Variants in FBXO46 observed in about 807,000 individuals in gnomAD.
FBXO46 encodes the protein F-box protein 46.
In FBXO46, 13 loss-of-function variants were observed where a neutral mutation model predicts 30.7. The ratio of observed to expected loss-of-function variants is 0.42; its 90% CI spans 0.28 to 0.67. The LOEUF (loss-of-function observed/expected upper bound fraction) is 0.67, where lower values mean the gene tolerates loss of function less well. Ranked by LOEUF, FBXO46 falls within the 30% of genes least tolerant of loss-of-function variation. The pLI is 0.21. For missense variants in FBXO46, 754 were observed against 871.5 expected (o/e 0.87, Z 1.70); for synonymous variants, 467 against 385.8 (o/e 1.21, Z -2.47).
chr19:45,722,723 C>T (rs1392769899), intron 1 of FBXO46, among the ~76,000 whole-genome samples: 1 of 150,488 alleles, frequency 6.6e-6, no homozygotes, highest in East Asian at 2.0e-4. Context: ...GATTGCGCCA[C>T]TGCACTCCAG....
Position 45,712,636 on chromosome 19 carries a change from C to G in FBXO46, c.860G>C (p.Gly287Ala), listed in dbSNP as rs1437949319. 5.6e-6 allele frequency: 9 copies of G among 1,604,422 alleles called. No individual in the cohort carries two copies. In the South Asian group the frequency reaches 6.7e-5, roughly 12 times the overall value. ...ACCTGGGCTGCCAGGGTAGGCACAA[C>G]CAGGCCTGCCCCCGCCCCCACTGGG... ...GLPSGGGGRP[G>A]CAYPGSPGPG... The change falls in exon 2 of 2, where the codon GGT becomes GCT. Residue 287 changes from glycine to alanine, a missense_variant. Transcript: ENST00000317683. The surrounding 1 kb of genome is among the most constrained non-coding windows in gnomAD (Gnocchi z 8.8).
In FBXO46 at chr19:45,713,040, GC is replaced by G; in HGVS notation, c.455del (p.Gly152AlafsTer48). 1 of 1,558,720 alleles carries G rather than the reference GC, an allele frequency of 6.4e-7. No individual in the cohort carries two copies. Among genetic ancestry groups the G allele is most frequent in the Non-Finnish European group, 8.7e-7 (1 of 1,154,738 alleles). On this transcript the variant is annotated frameshift_variant, in exon 2 of 2. Coordinates refer to ENST00000317683, the MANE Select transcript of FBXO46 (RefSeq NM_001080469.2). LOFTEE classifies it high-confidence loss of function. This position sits in a 1 kb window ranked among gnomAD's most constrained non-coding sequence, Gnocchi z 4.7. ...KAPPDPGGREGPPAAEEGPAS... is the reference protein window; with the variant it reads ...KAPPDPGGREXPPAAEEGPAS... ...CGGGGCCCTCCTCAGCAGCAGGGGGGCCCTCCCGGCCCCCTGGGTCAGGAGG... is the reference window on the plus strand; with the variant it reads ...CGGGGCCCTCCTCAGCAGCAGGGGGGCCTCCCGGCCCCCTGGGTCAGGAGG...
In FBXO46 at chr19:45,711,867, C is replaced by T. The variant is rs1352336540; in HGVS notation, c.1629G>A (p.Ser543=). ...AGGGCTTGGGGTGCCAGCGGCAGAG[C>T]GACACGTCGCCCTTCTCGTATCTCT... ...CRKRYEKGDV[S]LCRWHPKPYH... The change falls in exon 2 of 2, where the codon TCG becomes TCA. Residue 543 remains serine, a synonymous_variant. Transcript: ENST00000317683. 4 of 1,613,542 alleles carry T rather than the reference C, an allele frequency of 2.5e-6. No homozygotes were observed. Among genetic ancestry groups the T allele is most frequent in the African/African-American group, 1.3e-5 (1 of 74,912 alleles).
At chr19:45,726,845 C>T (rs950087612) in intron 1 of FBXO46, among the ~76,000 whole-genome samples, 2 of 152,100 alleles carry the variant, frequency 1.3e-5, no homozygotes, top group Non-Finnish European at 2.9e-5. Flanking sequence ...ATAGAAAGAC[C>T]TCACACTTAT....
At chr19:45,716,868 G>A (rs868203103) in intron 1 of FBXO46, 2 of 152,268 alleles carry the variant, frequency 1.3e-5, no homozygotes, top group East Asian at 3.9e-4. Flanking sequence ...TGAGACACAG[G>A]TGAAATCTCC....
intron 1 of FBXO46, among the ~76,000 whole-genome samples, chr19:45,721,532 G>T (rs2146156201): frequency 6.8e-6 from 1 of 147,694 alleles, no homozygotes; most frequent in Non-Finnish European, 1.5e-5. Flanking sequence ...GGACACCAGG[G>T]TTTCGTTCCT....
intron 1 of FBXO46, among the ~76,000 whole-genome samples, chr19:45,729,662 C>G (rs1182814567): frequency 6.6e-6 from 1 of 152,230 alleles, no homozygotes; most frequent in Non-Finnish European, 1.5e-5. Flanking sequence ...CTTAATTTCT[C>G]TGTACTTCTG....
chr19:45,720,381 C>A (rs765817498), intron 1 of FBXO46, among the ~76,000 whole-genome samples: 52 of 152,200 alleles, frequency 3.4e-4, no homozygotes, highest in Non-Finnish European at 6.9e-4. Context: ...ATCCACCCCA[C>A]CTTGGCCTCC....
At chr19:45,731,078 G>T (rs1282724251), upstream of FBXO46, among the ~76,000 whole-genome samples, 1 of 152,238 alleles carries the variant, frequency 6.6e-6, no homozygotes, top group Non-Finnish European at 1.5e-5. Flanking sequence ...AAGCCGGGGA[G>T]GACTTGGCAG....
Position 45,711,937 on chromosome 19 carries a change from C to T in FBXO46, c.1559G>A (p.Ser520Asn). ...ATCATCGCGGTAGAGCGGGTCTCGG[C>T]TCCAGCGCGAGTCTGTGGCCCGCAC... is the stretch of plus-strand genomic sequence containing the variant. The part of the protein sequence containing the change: ...FGVRATDSRW[S>N]RDPLYRDDPC... Residue 520 changes from serine to asparagine, a missense_variant, in exon 2 of 2, where the codon AGC becomes AAC. Transcript: ENST00000317683. The T allele has an allele frequency of 6.2e-7, 1 of 1,613,332 alleles. No homozygotes were observed. Among genetic ancestry groups the T allele is most frequent in the Non-Finnish European group, 8.5e-7 (1 of 1,179,800 alleles).
intron 1 of FBXO46, among the ~76,000 whole-genome samples, chr19:45,718,222 C>T (rs1968127203): frequency 6.6e-6 from 1 of 152,162 alleles, no homozygotes; most frequent in Admixed American, 6.6e-5. Context: ...CATCTGATCC[C>T]CGGTAGGAGT....
At chr19:45,731,242 G>A (rs1968306683), upstream of FBXO46, among the ~76,000 whole-genome samples, 1 of 151,866 alleles carries the variant, frequency 6.6e-6, no homozygotes, top group African/African-American at 2.4e-5. Context: ...CAAATTTATT[G>A]ATTCATTTGT....
chr19:45,726,785 A>G (rs1029472451), intron 1 of FBXO46, among the ~76,000 whole-genome samples: 2 of 152,190 alleles, frequency 1.3e-5, no homozygotes, highest in African/African-American at 4.8e-5. Context: ...GATTATAAGC[A>G]TGAGCCACCT....
intron 1 of FBXO46, among the ~76,000 whole-genome samples, chr19:45,721,390 G>A (rs2146155994): frequency 6.6e-6 from 1 of 151,958 alleles, no homozygotes; most frequent in Admixed American, 6.6e-5. Context: ...ATGATAAATG[G>A]TAAAGCGTAG....
At position 45,713,294 on chromosome 19, in the gene FBXO46, G is replaced by C; in HGVS notation, c.202C>G (p.Gln68Glu). 1 of 1,613,712 alleles carries C rather than the reference G, an allele frequency of 6.2e-7. No individual in the cohort carries two copies. Among genetic ancestry groups the C allele is most frequent in the Non-Finnish European group, 8.5e-7 (1 of 1,179,778 alleles). ...PALATEVPAS[Q>E]PAPLLSAAAA... Reference sequence around the variant, plus strand: ...GCTGCTGAGAGGAGCGGAGCCGGCTGGGAGGCAGGGACCTCAGTGGCCAAG... The same window carrying C: ...GCTGCTGAGAGGAGCGGAGCCGGCTCGGAGGCAGGGACCTCAGTGGCCAAG... Residue 68 changes from glutamine to glutamate, a missense_variant, in exon 2 of 2, where the codon CAG (glutamine) becomes GAG (glutamate). Around this residue, in one of 5 missense-constraint regions of FBXO46, gnomAD observed 97 missense variants for 113.0 expected, o/e 0.86. Transcript: ENST00000317683. The surrounding 1 kb of genome is among the most constrained non-coding windows in gnomAD (Gnocchi z 4.7).
intron 1 of FBXO46, among the ~76,000 whole-genome samples, chr19:45,729,528 C>G (rs895750037): frequency 2.2e-4 from 33 of 152,248 alleles, no homozygotes; most frequent in African/African-American, 7.7e-4. Context: ...CTACTCATCA[C>G]ATTGTATATT....
At chr19:45,715,603 T>A (rs1968077413) in intron 1 of FBXO46, 1 of 151,986 alleles carries the variant, frequency 6.6e-6, no homozygotes, top group African/African-American at 2.4e-5. Context: ...TGTCAGGAAT[T>A]CGAGATCAGC....
rs1967990189 is a variant in FBXO46 at position 45,712,268 on chromosome 19, A to G, written c.1228T>C (p.Phe410Leu). The change falls in exon 2 of 2, where the codon TTT (phenylalanine) becomes CTT (leucine). Residue 410 changes from phenylalanine (F) to leucine (L), a missense_variant. By Grantham distance (22) the Phe-to-Leu change is conservative. Transcript: ENST00000317683. The surrounding 1 kb of genome is among the most constrained non-coding windows in gnomAD (Gnocchi z 8.8). ...CCGTCCGGCCCGCGGTTCTGGAGAAAGAAGAGCTGGCCCGGAGGCGGCGGT... is the reference window on the plus strand; with the variant it reads ...CCGTCCGGCCCGCGGTTCTGGAGAAGGAAGAGCTGGCCCGGAGGCGGCGGT... Reference protein sequence around the residue: ...EEPPPPGQLFFLQNRGPDGPP... With the variant: ...EEPPPPGQLFLLQNRGPDGPP... 1.9e-6 allele frequency: 3 copies of G among 1,604,538 alleles called. No homozygotes were observed. The highest frequency in any genetic ancestry group is 2.7e-5 in the African/African-American group (2 of 74,848).
Position 45,711,025 on chromosome 19 carries a change from T to C in FBXO46, c.*659A>G, listed in dbSNP as rs1400274572. ...GGAGGAGGGTTTTTATACTTCAGCT[T>C]TTTTTTTGTCTGCCCCCCTCTTCCT... On this transcript the variant is annotated 3_prime_UTR_variant, in exon 2 of 2. Transcript: ENST00000317683. 4.5e-6 allele frequency: 1 copy of C among 222,370 alleles called. No individual in the cohort carries two copies. The highest frequency in any genetic ancestry group is 4.2e-5 in the South Asian group (1 of 24,066). 13.8% of individuals were successfully genotyped at this position (222,370 alleles called of 1,614,324 possible). A position where few individuals can be genotyped will look rare whatever the true frequency, so the allele number is the denominator to read the frequency against.
Sources: gnomAD v4.1 joint callset for allele counts (sites outside exome capture counted in the v4.1 genomes callset) on GRCh38, gnomAD v4.1.1 for gene constraint, gnomAD v4.1.1 regional missense constraint, Gnocchi (gnomAD v3.1) non-coding constraint, MANE v1.5 for transcripts, NCBI Gene and HGNC (gene_info 2026-07-23, HGNC 2026-07-21) for gene names.